NCAPD3: variants seen among roughly 807,000 people sequenced by gnomAD.
NCAPD3 encodes non-SMC condensin II complex subunit D3.
In NCAPD3, 105 loss-of-function variants were observed where a neutral mutation model predicts 182.9. The ratio of observed to expected loss-of-function variants is 0.57; its 90% CI spans 0.49 to 0.68. The LOEUF (loss-of-function observed/expected upper bound fraction) is 0.68, where lower values mean the gene tolerates loss of function less well. Ranked by LOEUF, NCAPD3 falls within the 30% of genes least tolerant of loss-of-function variation. NCAPD3 has a pLI of 0.00. For missense variants in NCAPD3, 1,944 were observed against 1,837.0 expected (o/e 1.06, Z -1.07); for synonymous variants, 815 against 679.9 (o/e 1.20, Z -3.09).
chr11:134,194,283 C>T (rs1400801677), intron 14 of NCAPD3, 133 bp from the exon 15 acceptor site: 2 of 856,096 alleles, frequency 2.3e-6, no homozygotes, highest in African/African-American at 3.4e-5. Context: ...AACCTTCCTC[C>T]TCACAACATC....
At position 134,181,288 on chromosome 11, in the gene NCAPD3, C is replaced by T. The variant is rs1399720366; in HGVS notation, c.2452-104G>A. 10 of 716,990 alleles carry T rather than the reference C, an allele frequency of 1.4e-5. No individual in the cohort carries two copies. The Admixed American group carries it at 1.6e-4, about 12-fold the overall frequency. 44.4% of individuals were successfully genotyped at this position (716,990 alleles called of 1,614,324 possible). The stretch of plus-strand genomic sequence containing the variant: ...AAACTATGATCTTCAAATGGATAGG[C>T]TGTAGGGGTGCTTCCTAGCTTTCCT... On this transcript the variant is annotated intron_variant, in intron 19 of 34. Transcript: ENST00000534548.
At chr11:134,168,368 G>A in intron 26 of NCAPD3, 101 bp downstream of exon 26, 1 of 1,543,572 alleles carries the variant, frequency 6.5e-7, no homozygotes, top group Non-Finnish European at 8.9e-7. Flanking sequence ...GGGTCTTCCT[G>A]CAGTGCCAGG....
intron 16 of NCAPD3, among the ~76,000 whole-genome samples, chr11:134,191,241 C>A (rs1030146812): frequency 3.3e-5 from 5 of 151,960 alleles, no homozygotes; most frequent in African/African-American, 1.2e-4. Flanking sequence ...TAAATGAATA[C>A]CAAAAATAAG....
At chr11:134,224,091 C>G (rs1938355923), upstream of NCAPD3, 2 of 811,170 alleles carry the variant, frequency 2.5e-6, no homozygotes, top group Admixed American at 4.8e-5. Flanking sequence ...CGGCGTCGTC[C>G]GCCGCACGCT....
chr11:134,181,382 G>A (rs933523372), intron 19 of NCAPD3, among the ~76,000 whole-genome samples, 198 bp from the exon 20 acceptor site: 6 of 152,192 alleles, frequency 3.9e-5, no homozygotes, highest in Non-Finnish European at 5.9e-5. Context: ...TACTGGCTAA[G>A]TGGAATTTAT....
At chr11:134,158,553 G>C in intron 29 of NCAPD3, 58 bp from the exon 30 acceptor site, 1 of 1,534,574 alleles carries the variant, frequency 6.5e-7, no homozygotes. Context: ...TTCAAAAACG[G>C]ATATATGATA....
rs1379956125 is a variant in NCAPD3, at chr11:134,209,154, G to A, written c.785C>T (p.Thr262Ile). The A allele has an allele frequency of 6.2e-7, 1 of 1,613,112 alleles. No individual in the cohort carries two copies. Among genetic ancestry groups the A allele is most frequent in the Non-Finnish European group, 8.5e-7 (1 of 1,179,562 alleles). ...FEPVLHECHV[T>I]QARALNQAKY... ...AGATTTAATGGCTCACCTGGCTTGTGTAACATGACATTCATGAAGAACTGG... is the reference window on the plus strand; with the variant it reads ...AGATTTAATGGCTCACCTGGCTTGTATAACATGACATTCATGAAGAACTGG... Residue 262 changes from threonine to isoleucine, a missense_variant, in exon 6 of 35, where the codon ACA becomes ATA. Transcript: ENST00000534548.
intron 16 of NCAPD3, among the ~76,000 whole-genome samples, chr11:134,186,358 T>C (rs1039236752): frequency 2.6e-5 from 4 of 152,180 alleles, no homozygotes; most frequent in African/African-American, 7.2e-5. Context: ...TCACCATACC[T>C]GGCTAATTTC....
intron 8 of NCAPD3, 32 bp downstream of exon 8, chr11:134,206,567 C>T: frequency 6.2e-7 from 1 of 1,611,902 alleles, no homozygotes; most frequent in South Asian, 1.1e-5. Context: ...GGGAGACTGA[C>T]AGGGTGAAAA....
chr11:134,178,473 G>T, intron 22 of NCAPD3, 161 bp downstream of exon 22: 1 of 497,072 alleles, frequency 2.0e-6, no homozygotes, highest in Non-Finnish European at 3.5e-6. Context: ...CAGTTATGCA[G>T]AGCTCAGCAC....
At chr11:134,167,652 G>GA (rs1943886434) in intron 27 of NCAPD3, among the ~76,000 whole-genome samples, 1 of 139,334 alleles carries the variant, frequency 7.2e-6, no homozygotes, top group Non-Finnish European at 1.5e-5. Flanking sequence ...TGAGCTTGGG[G>GA]GAGCAGCACA....
chr11:134,152,864 T>G lies in NCAPD3; in HGVS notation c.*80A>C, dbSNP rs1483290727. On this transcript the variant is annotated 3_prime_UTR_variant, in exon 35 of 35. Coordinates refer to ENST00000534548, the MANE Select transcript of NCAPD3 (RefSeq NM_015261.3). ...GCTGCCCAAGGACTGCGGGAAGTGA[T>G]CCAGCTGCCTTCACACGGAGGACAC... 36 of 1,175,648 alleles carry G rather than the reference T, an allele frequency of 3.1e-5. No homozygotes were observed. The Admixed American group carries it at 8.4e-4, about 27-fold the overall frequency. The allele number at this position is 1,175,648 out of a possible 1,614,324, so 72.8% of individuals were successfully genotyped here.
At chr11:134,165,276 C>T (rs1280835498) in intron 27 of NCAPD3, among the ~76,000 whole-genome samples, 1 of 144,890 alleles carries the variant, frequency 6.9e-6, no homozygotes, top group Admixed American at 7.0e-5. Flanking sequence ...GAGCTGCACA[C>T]TCGCTTGTGA....
intron 13 of NCAPD3, among the ~76,000 whole-genome samples, chr11:134,198,054 A>G (rs1404921488): frequency 6.6e-6 from 1 of 152,190 alleles, no homozygotes; most frequent in Non-Finnish European, 1.5e-5. Context: ...AGGCTCTCCA[A>G]CCATCTGAAT....
chr11:134,161,568 T>A (rs897875128), intron 28 of NCAPD3, among the ~76,000 whole-genome samples: 14 of 152,234 alleles, frequency 9.2e-5, no homozygotes, highest in Admixed American at 1.3e-4. Context: ...GGCCGGCTCT[T>A]CACGGCCCTG....
rs1309635340 is a variant in NCAPD3, at chr11:134,177,413, G to C, written c.2827C>G (p.Pro943Ala). The change falls in exon 23 of 35, where the codon CCA becomes GCA. Residue 943 changes from proline (P) to alanine (A), a missense_variant. Physicochemically the swap from Pro to Ala is conservative, Grantham distance 27 (BLOSUM62 -1). Around this residue, in one of 3 missense-constraint regions of NCAPD3, gnomAD observed 1,803 missense variants for 1,674.6 expected, o/e 1.08. Transcript: ENST00000534548. ...ACCTCGAGCTCTCGCACCAGGGCTG[G>C]GATGCTCTTCTTTGCCAGATCCTCG... ...QHEDLAKKSI[P>A]ALVRELEVCE... 8.7e-6 allele frequency: 14 copies of C among 1,614,072 alleles called. No homozygotes were observed. The highest frequency in any genetic ancestry group is 1.2e-5 in the Non-Finnish European group (14 of 1,180,022).
At position 134,194,692 on chromosome 11, in the gene NCAPD3, C is replaced by A. The variant is rs1944589726; in HGVS notation, c.1662G>T (p.Lys554Asn). Residue 554 changes from lysine (K) to asparagine (N), a missense_variant, in exon 14 of 35, where the codon AAG (lysine) becomes AAT (asparagine). Lys to Asn is a moderately conservative substitution (Grantham distance 94, BLOSUM62 0). This residue lies in a region of NCAPD3 where 1,803 missense variants were observed against 1,674.6 expected (regional missense o/e 1.08). Transcript: ENST00000534548. Reference sequence around the variant, plus strand: ...GCAGTGCAGACTTCCTAACGTTGGTCTTCTCATCCCTGATCCTCCTTCTCA... The same window carrying A: ...GCAGTGCAGACTTCCTAACGTTGGTATTCTCATCCCTGATCCTCCTTCTCA... Reference protein sequence around the residue: ...AMLRRRIRDEKTNVRKSALQV... With the variant: ...AMLRRRIRDENTNVRKSALQV... 6.2e-7 allele frequency: 1 copy of A among 1,608,392 alleles called. No individual in the cohort carries two copies.
At chr11:134,179,893 G>C (rs373930343) in intron 20 of NCAPD3, among the ~76,000 whole-genome samples, 2 of 152,048 alleles carry the variant, frequency 1.3e-5, no homozygotes, top group Non-Finnish European at 2.9e-5. Flanking sequence ...TTGAAATACT[G>C]TATCTCTTCA....
intron 23 of NCAPD3, 30 bp from the exon 24 acceptor site, chr11:134,176,416 A>C (rs773783969): frequency 1.9e-6 from 3 of 1,594,990 alleles, no homozygotes; most frequent in Non-Finnish European, 2.6e-6. Context: ...CATGTTTCAG[A>C]GTGCGTCATC....
Sources: allele counts gnomAD v4.1 joint callset (sites outside exome capture counted in the v4.1 genomes callset), GRCh38; gene constraint gnomAD v4.1.1; regional missense constraint gnomAD v4.1.1; transcripts MANE v1.5; gene names NCBI Gene and HGNC (gene_info 2026-07-23, HGNC 2026-07-21).